Variants in SOX5 observed in about 807,000 individuals in gnomAD.
The protein encoded by SOX5 is SRY-box transcription factor 5.
Under a neutral mutation model 92.0 loss-of-function variants are expected in SOX5, and 9 were observed. The ratio of observed to expected loss-of-function variants is 0.10; its 90% confidence interval spans 0.06 to 0.17. The LOEUF (loss-of-function observed/expected upper bound fraction) is 0.17. Among genes scored for constraint, SOX5 ranks in the 10% least tolerant of loss-of-function variants. The pLI is 1.00. For synonymous variants in SOX5, 344 were observed against 336.3 expected, an observed-to-expected ratio of 1.02 and a Z score of -0.25; for missense variants, 642 against 944.5, an observed-to-expected ratio of 0.68 and a Z score of 4.20.
chr12:23,819,208 T>C (rs1315931603), intron 3 of SOX5, among the ~76,000 whole-genome samples: 3 of 152,324 alleles, frequency 2.0e-5, no homozygotes, highest in East Asian at 1.9e-4. Flanking sequence ...GAATAACATG[T>C]TGTGTTACAA....
intron 7 of SOX5, among the ~76,000 whole-genome samples, chr12:23,649,170 T>C (rs978940005): frequency 2.0e-5 from 3 of 152,026 alleles, no homozygotes; most frequent in African/African-American, 4.8e-5. Context: ...ATTCAAAATA[T>C]ATTACATGGA....
At chr12:24,101,520 C>T (rs532063714) in intron 4 of SOX5, among the ~76,000 whole-genome samples, 2 of 152,248 alleles carry the variant, frequency 1.3e-5, no homozygotes, top group East Asian at 3.9e-4. Flanking sequence ...AAGAGCAGAA[C>T]TTCTTTTGAT....
At chr12:24,292,458 A>T (rs1285588006) in intron 2 of SOX5, among the ~76,000 whole-genome samples, 3 of 152,244 alleles carry the variant, frequency 2.0e-5, no homozygotes, top group South Asian at 2.1e-4. Flanking sequence ...CAATGGAAGG[A>T]TCATAGATAC....
At chr12:24,213,419 T>TAAAAAAAAAAAAAAAAAAAGAAAAAA (rs1958856331) in intron 3 of SOX5, 1 of 96,864 alleles carries the variant, frequency 1.0e-5, no homozygotes, top group Non-Finnish European at 2.1e-5. Context: ...CTTGAAATGC[T>TAAAAAAAAAAAAAAAAAAAGAAAAAA]AAAAAAAAAA....
At chr12:23,568,888 T>G (rs1947632281) in intron 10 of SOX5, among the ~76,000 whole-genome samples, 1 of 67,678 alleles carries the variant, frequency 1.5e-5, no homozygotes, top group African/African-American at 3.4e-5. Context: ...TTTAAGAATA[T>G]CTCAAAAAAA....
chr12:24,356,463 C>T (rs1020432201), intron 2 of SOX5, among the ~76,000 whole-genome samples: 2 of 152,042 alleles, frequency 1.3e-5, no homozygotes, highest in African/African-American at 4.8e-5. Context: ...CTCTTTCTCT[C>T]TTGGTGGCCA....
In SOX5 at chr12:23,988,174, G is replaced by A. The variant is rs530284367; in HGVS notation, c.-1-92150C>T. On this transcript the variant is annotated intron_variant, in intron 4 of 4. Coordinates refer to the SOX5 transcript ENST00000446891. ...AGATCATGCTATTTACAGTAATGGA[G>A]GTGACAAACAGAGGAGCAAGCTTGT... Among the ~76,000 whole-genome samples, 4 of 152,270 alleles carry A rather than the reference G, an allele frequency of 2.6e-5. No individual in the cohort carries two copies. The East Asian group carries it at 7.7e-4, about 29-fold the overall frequency.
intron 9 of SOX5, among the ~76,000 whole-genome samples, chr12:23,576,402 CTTTGAA>C (rs1229233086): frequency 6.6e-6 from 1 of 152,052 alleles, no homozygotes; most frequent in Non-Finnish European, 1.5e-5. Flanking sequence ...ACAGAAACAC[CTTTGAA>C]TTTGATCTAA....
chr12:23,667,124 G>T (rs2083944660), intron 6 of SOX5, among the ~76,000 whole-genome samples: 1 of 152,014 alleles, frequency 6.6e-6, no homozygotes, highest in Non-Finnish European at 1.5e-5. Flanking sequence ...TGTGTGTGGT[G>T]GTGGGGGCGG....
intron 1 of SOX5, among the ~76,000 whole-genome samples, chr12:24,406,514 G>C (rs767610629): frequency 1.2e-4 from 18 of 152,136 alleles, no homozygotes; most frequent in Non-Finnish European, 2.4e-4. Context: ...TTCAGCAACA[G>C]CAACTAGGAA....
chr12:24,330,415 G>T (rs1951173287), intron 2 of SOX5, among the ~76,000 whole-genome samples: 1 of 152,162 alleles, frequency 6.6e-6, no homozygotes, highest in Non-Finnish European at 1.5e-5. Flanking sequence ...CAGGATGAAG[G>T]CTGCTTTCTG....
intron 1 of SOX5, among the ~76,000 whole-genome samples, chr12:24,382,119 G>C (rs1230875034): frequency 2.6e-5 from 4 of 152,124 alleles, no homozygotes; most frequent in Non-Finnish European, 4.4e-5. Flanking sequence ...AAACAAACAA[G>C]ATAAATGAAC....
rs569471340 is a variant in SOX5, at chr12:23,710,609, A to T, written c.810+24075T>A. Among the ~76,000 whole-genome samples, 33 of 152,284 alleles carry T rather than the reference A, an allele frequency of 2.2e-4. 1 individual carries two copies. The highest frequency in any genetic ancestry group is 7.2e-4 in the African/African-American group (30 of 41,558). ...GGCTGCATAGTATTCCATGGTGTAT[A>T]TGTGCCACATTTTCTTAATCCAGTC... is the stretch of plus-strand genomic sequence containing the variant. On this transcript the variant is annotated intron_variant, in intron 6 of 14. Transcript: ENST00000451604.
At chr12:24,010,274 T>C (rs1952763325) in intron 4 of SOX5, among the ~76,000 whole-genome samples, 2 of 152,200 alleles carry the variant, frequency 1.3e-5, no homozygotes, top group Non-Finnish European at 2.9e-5. Flanking sequence ...TCTGTGTTGG[T>C]TTTGTTTCCT....
intron 1 of SOX5, among the ~76,000 whole-genome samples, chr12:24,486,621 T>C (rs1214966533): frequency 1.3e-5 from 2 of 152,222 alleles, no homozygotes; most frequent in East Asian, 1.9e-4. Flanking sequence ...CCTATAATCC[T>C]TTAAAGCTAT....
At chr12:24,453,988 A>G (rs550786379) in intron 1 of SOX5, among the ~76,000 whole-genome samples, 1 of 152,274 alleles carries the variant, frequency 6.6e-6, no homozygotes, top group East Asian at 1.9e-4. Flanking sequence ...CATTTCTCCA[A>G]ATAAAACCAT....
intron 1 of SOX5, among the ~76,000 whole-genome samples, chr12:23,896,732 G>A (rs76401591): frequency 1.2e-4 from 18 of 145,366 alleles, no homozygotes; most frequent in African/African-American, 2.3e-4. Context: ...AAAAAAAAAA[G>A]GTGAGAATAT....
chr12:23,687,943 T>C, intron 6 of SOX5, among the ~76,000 whole-genome samples: 1 of 151,918 alleles, frequency 6.6e-6, no homozygotes, highest in African/African-American at 2.4e-5. Context: ...CTGATCACCT[T>C]TCACATATTA....
intron 4 of SOX5, among the ~76,000 whole-genome samples, chr12:23,959,446 T>A (rs1946650909): frequency 6.6e-6 from 1 of 151,782 alleles, no homozygotes; most frequent in African/African-American, 2.4e-5. Context: ...AAGAATAAAA[T>A]CATAAACTAT....
Sources: allele counts gnomAD v4.1 joint callset (sites outside exome capture counted in the v4.1 genomes callset), GRCh38; gene constraint gnomAD v4.1.1; transcripts MANE v1.5; gene names NCBI Gene and HGNC (gene_info 2026-07-23, HGNC 2026-07-21).